Variants in GPD2 observed in about 807,000 individuals in gnomAD.
The protein encoded by GPD2 is glycerol-3-phosphate dehydrogenase 2.
Under a neutral mutation model 82.4 loss-of-function variants are expected in GPD2, and 54 were observed. The observed-to-expected ratio is 0.66, with a 90% confidence interval of 0.53 to 0.82. The LOEUF is 0.82. Among genes scored for constraint, GPD2 ranks in the 40% least tolerant of loss-of-function variants. GPD2 has a pLI of 0.00. For synonymous variants in GPD2, 288 were observed against 306.1 expected (o/e 0.94, Z 0.62); for missense variants, 748 against 896.2 (o/e 0.83, Z 2.11).
chr2:156,578,822 T>TA (rs928874386), intron 13 of GPD2, 67 bp from the exon 14 acceptor site: 3 of 924,966 alleles, frequency 3.2e-6, no homozygotes, highest in Non-Finnish European at 3.6e-6. Flanking sequence ...AGATCAACAG[T>TA]AAAAAAAGGA....
In GPD2 at chr2:156,491,539, C is replaced by T. The variant is rs1480302603; in HGVS notation, c.103-4505C>T. On this transcript the variant is annotated intron_variant, in intron 2 of 16. Coordinates refer to ENST00000438166, the MANE Select transcript of GPD2 (RefSeq NM_000408.5). ...TTTATTTCCGTTTATTATTCCATTG[C>T]TTACACAGTTTGTTTAGTCATTCAC... Among the ~76,000 whole-genome samples the T allele has an allele frequency of 7.9e-5, 12 of 152,196 alleles. 1 individual carries two copies. Among genetic ancestry groups the T allele is most frequent in the Admixed American group, 7.9e-4 (12 of 15,282 alleles).
chr2:156,557,286 T>G (rs1686997944), intron 8 of GPD2, 103 bp from the exon 9 acceptor site: 1 of 784,678 alleles, frequency 1.3e-6, no homozygotes, highest in African/African-American at 1.7e-5. Context: ...ATATCTTTCT[T>G]GTTTGCATAT....
At position 156,584,198 on chromosome 2, in the gene GPD2, C is replaced by T. The variant is rs1688133328; in HGVS notation, c.*1280C>T. On this transcript the variant is annotated 3_prime_UTR_variant, in exon 17 of 17. Transcript: ENST00000438166. ...AATGCAGTTTGGGATGCTTTTGCTA[C>T]ATTTTGGTGGCATTTTAACTAGTTA... 6.6e-6 allele frequency: 1 copy of T among 151,992 alleles called. No homozygotes were observed. Among genetic ancestry groups the T allele is most frequent in the South Asian group, 2.1e-4 (1 of 4,830 alleles). 9.4% of individuals were successfully genotyped at this position (151,992 alleles called of 1,614,324 possible). A position where few individuals can be genotyped will look rare whatever the true frequency, so the allele number is the denominator to read the frequency against.
chr2:156,565,403 G>A (rs1384176394), intron 9 of GPD2, among the ~76,000 whole-genome samples: 2 of 152,054 alleles, frequency 1.3e-5, no homozygotes, highest in African/African-American at 2.4e-5. Context: ...TATATGACTG[G>A]TAAAATTGTG....
chr2:156,583,125 T>A lies in GPD2; in HGVS notation c.*207T>A. 1.7e-6 allele frequency: 1 copy of A among 575,410 alleles called. No homozygotes were observed. The highest frequency in any genetic ancestry group is 3.1e-6 in the Non-Finnish European group (1 of 325,502). The allele number at this position is 575,410 out of a possible 1,614,324, so 35.6% of individuals were successfully genotyped here. A position where few individuals can be genotyped will look rare whatever the true frequency, so the allele number is the denominator to read the frequency against. ...TGTATTTGCCATTCAGTCTAGCTTT[T>A]AAGTATATTTTTTTCTTTTTCTCAT... On this transcript the variant is annotated 3_prime_UTR_variant, in exon 17 of 17. Coordinates refer to ENST00000438166, the MANE Select transcript of GPD2 (RefSeq NM_000408.5).
At chr2:156,491,751 G>A (rs969518188) in intron 2 of GPD2, among the ~76,000 whole-genome samples, 13 of 152,016 alleles carry the variant, frequency 8.6e-5, no homozygotes, top group African/African-American at 2.9e-4. Flanking sequence ...GGCCAGGCAC[G>A]GTGGCTCACA....
the GPD2 span, among the ~76,000 whole-genome samples, chr2:156,415,986 A>C: frequency 1.1e-4 from 14 of 133,158 alleles, no homozygotes; most frequent in East Asian, 2.2e-3. Flanking sequence ...CCGCCACTGC[A>C]CTCCAGCCTG....
intron 3 of GPD2, among the ~76,000 whole-genome samples, chr2:156,510,235 CCTTT>C (rs1467846986): frequency 3.3e-5 from 5 of 151,306 alleles, no homozygotes; most frequent in East Asian, 3.9e-4. Flanking sequence ...TTTCTTTCTT[CCTTT>C]CTTTTTCTTT....
intron 2 of GPD2, among the ~76,000 whole-genome samples, chr2:156,489,321 G>A (rs1347878798): frequency 6.6e-6 from 1 of 152,200 alleles, no homozygotes; most frequent in African/African-American, 2.4e-5. Flanking sequence ...TAAGAAAGTA[G>A]TGTGCTAAGC....
intron 2 of GPD2, among the ~76,000 whole-genome samples, chr2:156,479,025 T>G (rs1440875744): frequency 6.6e-6 from 1 of 152,206 alleles, no homozygotes; most frequent in Admixed American, 6.5e-5. Context: ...GGACAAAGCT[T>G]CTTCCCTGAA....
At chr2:156,507,028 T>C (rs1243061383) in intron 3 of GPD2, among the ~76,000 whole-genome samples, 2 of 152,124 alleles carry the variant, frequency 1.3e-5, no homozygotes, top group African/African-American at 4.8e-5. Flanking sequence ...TTTTTTTTTT[T>C]CTTGAGACGG....
At chr2:156,504,603 A>G (rs924495390) in intron 3 of GPD2, among the ~76,000 whole-genome samples, 7 of 152,010 alleles carry the variant, frequency 4.6e-5, no homozygotes, top group Non-Finnish European at 1.0e-4. Flanking sequence ...CTAATGATAT[A>G]ATTAAAGATA....
chr2:156,410,400 G>A, the GPD2 span, among the ~76,000 whole-genome samples: 9 of 152,336 alleles, frequency 5.9e-5, no homozygotes, highest in South Asian at 2.1e-4. Context: ...AAACCTCAGA[G>A]AGGCAATAAC....
chr2:156,439,925 T>C (rs1217151219), intron 1 of GPD2, among the ~76,000 whole-genome samples: 2 of 152,102 alleles, frequency 1.3e-5, no homozygotes, highest in Non-Finnish European at 2.9e-5. Flanking sequence ...CAATGGGGTA[T>C]ATTTTATATA....
the GPD2 span, among the ~76,000 whole-genome samples, chr2:156,412,223 G>A: frequency 2.0e-5 from 3 of 152,072 alleles, no homozygotes; most frequent in Non-Finnish European, 4.4e-5. Context: ...ATCATTTGAG[G>A]TCAGGAGTTC....
chr2:156,477,673 A>G (rs1683560731), intron 2 of GPD2, among the ~76,000 whole-genome samples: 1 of 152,222 alleles, frequency 6.6e-6, no homozygotes, highest in African/African-American at 2.4e-5. Flanking sequence ...ATTGACACAT[A>G]ATCATTATAC....
chr2:156,495,981 T>C (rs1035416961), intron 2 of GPD2, 63 bp from the exon 3 acceptor site: 1 of 1,206,276 alleles, frequency 8.3e-7, no homozygotes, highest in Non-Finnish European at 1.2e-6. Context: ...TTTTAGTATA[T>C]TGTAAAATTT....
Position 156,467,495 on chromosome 2 carries a change from A to G in GPD2, c.-8-8603A>G, listed in dbSNP as rs976792104. On this transcript the variant is annotated intron_variant, in intron 1 of 16. Coordinates refer to ENST00000438166, the MANE Select transcript of GPD2 (RefSeq NM_000408.5). ...AAAGCCTTTTTGTTTGTTGTTTGATATCCTGTTCAGTGTATATATTCTTTA... is the reference window on the plus strand; with the variant it reads ...AAAGCCTTTTTGTTTGTTGTTTGATGTCCTGTTCAGTGTATATATTCTTTA... 7.1e-4 allele frequency among the ~76,000 whole-genome samples: 108 copies of G among 152,272 alleles called. 1 individual carries two copies. Among genetic ancestry groups the G allele is most frequent in the African/African-American group, 2.6e-3 (106 of 41,546 alleles).
intron 6 of GPD2, among the ~76,000 whole-genome samples, chr2:156,533,403 T>C (rs775211986): frequency 2.6e-5 from 4 of 152,244 alleles, no homozygotes; most frequent in Non-Finnish European, 5.9e-5. Flanking sequence ...TTTCTGTTGC[T>C]GAAGCTGCAG....
Sources: allele counts gnomAD v4.1 joint callset (sites outside exome capture counted in the v4.1 genomes callset), GRCh38; gene constraint gnomAD v4.1.1; transcripts MANE v1.5; gene names NCBI Gene and HGNC (gene_info 2026-07-23, HGNC 2026-07-21).